Variants in DLG2 observed in about 807,000 individuals in gnomAD.
DLG2 encodes the protein disks large homolog 2.
Under a neutral mutation model 132.5 loss-of-function variants are expected in DLG2, and 45 were observed. The ratio of observed to expected loss-of-function variants is 0.34; its 90% CI spans 0.27 to 0.44. The LOEUF (loss-of-function observed/expected upper bound fraction) is 0.44, where lower values mean the gene tolerates loss of function less well. DLG2 is among the 20% of genes least tolerant of loss of function. DLG2 has a pLI of 1.00. For synonymous variants in DLG2, 424 were observed against 419.6 expected, an observed-to-expected ratio of 1.01 and a Z score of -0.13; for missense variants, 1,045 against 1,196.9, an observed-to-expected ratio of 0.87 and a Z score of 1.87.
At chr11:84,494,853 GC>G (rs1567782168) in intron 7 of DLG2, among the ~76,000 whole-genome samples, 1 of 152,090 alleles carries the variant, frequency 6.6e-6, no homozygotes, top group African/African-American at 2.4e-5. Context: ...GAGCCTCCCT[GC>G]CCCAATTTTA....
At chr11:84,502,008 T>C (rs1479907175) in intron 7 of DLG2, among the ~76,000 whole-genome samples, 1 of 152,104 alleles carries the variant, frequency 6.6e-6, no homozygotes, top group Non-Finnish European at 1.5e-5. Flanking sequence ...AATGAGGACA[T>C]ACAATTACTC....
intron 6 of DLG2, among the ~76,000 whole-genome samples, chr11:84,868,674 G>T (rs1662397541): frequency 6.6e-6 from 1 of 152,096 alleles, no homozygotes; most frequent in Admixed American, 6.5e-5. Flanking sequence ...ACAATGATGA[G>T]TCGGGCAGAC....
chr11:84,236,218 A>C (rs1252670516), intron 8 of DLG2, among the ~76,000 whole-genome samples: 1 of 152,246 alleles, frequency 6.6e-6, no homozygotes, highest in East Asian at 1.9e-4. Context: ...TAAATTTATT[A>C]AATCAAACTG....
At chr11:83,585,073 G>A (rs1390599596) in intron 19 of DLG2, among the ~76,000 whole-genome samples, 1 of 152,048 alleles carries the variant, frequency 6.6e-6, no homozygotes, top group African/African-American at 2.4e-5. Context: ...AGATAAAATG[G>A]TAGCATTATT....
At chr11:84,053,129 T>C (rs1485632539) in intron 11 of DLG2, among the ~76,000 whole-genome samples, 1 of 151,968 alleles carries the variant, frequency 6.6e-6, no homozygotes, top group Non-Finnish European at 1.5e-5. Context: ...ATAGATGGAA[T>C]TGGAAGCCAT....
At chr11:84,562,428 G>C (rs2099430361) in intron 6 of DLG2, among the ~76,000 whole-genome samples, 1 of 152,106 alleles carries the variant, frequency 6.6e-6, no homozygotes, top group Admixed American at 6.6e-5. Context: ...CCTACATGAA[G>C]GCTTCTGGGT....
At chr11:85,445,815 A>G (rs1555128650) in intron 3 of DLG2, among the ~76,000 whole-genome samples, 1 of 152,226 alleles carries the variant, frequency 6.6e-6, no homozygotes, top group Non-Finnish European at 1.5e-5. Context: ...TTTAGAACCT[A>G]ACACAGTGGG....
At chr11:85,484,150 T>C (rs1343610301) in intron 3 of DLG2, among the ~76,000 whole-genome samples, 3 of 148,600 alleles carry the variant, frequency 2.0e-5, no homozygotes, top group Non-Finnish European at 4.5e-5. Context: ...ATGGGTCAGG[T>C]CCGCGCAGTC....
intron 17 of DLG2, among the ~76,000 whole-genome samples, chr11:83,800,330 T>C (rs1321147776): frequency 5.3e-5 from 8 of 152,170 alleles, no homozygotes; most frequent in African/African-American, 1.9e-4. Context: ...AACAAATATA[T>C]TCTATGCTCA....
intron 18 of DLG2, among the ~76,000 whole-genome samples, chr11:83,752,943 A>G (rs1229743455): frequency 1.3e-5 from 2 of 152,256 alleles, no homozygotes; most frequent in African/African-American, 4.8e-5. Flanking sequence ...TCAGCAGCTG[A>G]CAATGAGAAT....
chr11:84,001,956 G>A (rs2094369098), intron 11 of DLG2, among the ~76,000 whole-genome samples: 1 of 151,858 alleles, frequency 6.6e-6, no homozygotes, highest in Non-Finnish European at 1.5e-5. Flanking sequence ...TACTAAGAGG[G>A]AATTTTATAG....
In DLG2 at chr11:84,858,064, T is replaced by C. The variant is rs984988891; in HGVS notation, c.357+253597A>G. Among the ~76,000 whole-genome samples, 10 of 152,182 alleles carry C rather than the reference T, an allele frequency of 6.6e-5. 1 individual carries two copies. The highest frequency in any genetic ancestry group is 3.9e-4 in the Admixed American group (6 of 15,270). ...CATGCCATCACAGCTGGCTAATTTT[T>C]GTATTTTTTGTAGAGATAAGGTTTC... On this transcript the variant is annotated intron_variant, in intron 6 of 27. Transcript: ENST00000376104.
chr11:84,551,341 T>G (rs1032520119), intron 6 of DLG2, among the ~76,000 whole-genome samples: 4 of 152,200 alleles, frequency 2.6e-5, no homozygotes, highest in Non-Finnish European at 5.9e-5. Flanking sequence ...TGCAACTTAA[T>G]GTGCAATTGT....
At chr11:83,840,445 AG>A (rs752624724) in intron 16 of DLG2, among the ~76,000 whole-genome samples, 4 of 152,218 alleles carry the variant, frequency 2.6e-5, no homozygotes, top group Non-Finnish European at 5.9e-5. Flanking sequence ...GATTTTAACC[AG>A]GTATGTCAAA....
intron 7 of DLG2, among the ~76,000 whole-genome samples, chr11:84,381,916 C>T (rs1430411742): frequency 6.6e-6 from 1 of 152,188 alleles, no homozygotes; most frequent in African/African-American, 2.4e-5. Context: ...AGGTTTCAGC[C>T]TCTGGGATTC....
At chr11:83,846,422 T>C (rs1404689900) in intron 16 of DLG2, among the ~76,000 whole-genome samples, 1 of 152,228 alleles carries the variant, frequency 6.6e-6, no homozygotes, top group East Asian at 1.9e-4. Flanking sequence ...TAACTTCTAT[T>C]TGTAAGCCTT....
At chr11:85,206,299 A>G (rs2081888526) in intron 4 of DLG2, among the ~76,000 whole-genome samples, 1 of 152,128 alleles carries the variant, frequency 6.6e-6, no homozygotes, top group South Asian at 2.1e-4. Context: ...TTTATAAATT[A>G]CTCAGTCTCA....
At chr11:83,881,922 T>C (rs1167318340) in intron 15 of DLG2, among the ~76,000 whole-genome samples, 4 of 152,186 alleles carry the variant, frequency 2.6e-5, no homozygotes, top group Non-Finnish European at 5.9e-5. Flanking sequence ...AAAAAAAGTA[T>C]GTATTAATAG....
In DLG2 at chr11:84,502,366, CTT is replaced by C. The variant is rs1355773719; in HGVS notation, c.519+32202_519+32203del. Among the ~76,000 whole-genome samples, 150 of 76,440 alleles carry C rather than the reference CTT, an allele frequency of 2.0e-3. 15 individuals carry two copies. Among genetic ancestry groups the C allele is most frequent in the Non-Finnish European group, 2.7e-3 (114 of 41,974 alleles). The allele number at this position is 76,440 out of a possible 152,430, so 50.1% of individuals were successfully genotyped here. A position where few individuals can be genotyped will look rare whatever the true frequency, so the allele number is the denominator to read the frequency against. On this transcript the variant is annotated intron_variant, in intron 7 of 27. Transcript: ENST00000376104. Reference sequence around the variant, plus strand: ...TCTTTCTTTCTTTCTTTCTTTCTTTCTTTCTTTCTTTCTTTCTTTCTTTCTTT... The same window carrying C: ...TCTTTCTTTCTTTCTTTCTTTCTTTCTCTTTCTTTCTTTCTTTCTTTCTTT...
Sources: allele counts gnomAD v4.1 joint callset (sites outside exome capture counted in the v4.1 genomes callset), GRCh38; gene constraint gnomAD v4.1.1; transcripts MANE v1.5; gene names NCBI Gene and HGNC (gene_info 2026-07-23, HGNC 2026-07-21).